SNX18: variants seen among roughly 807,000 people sequenced by gnomAD.
SNX18 encodes the protein sorting nexin-18.
In SNX18, 35 loss-of-function variants were observed where a neutral mutation model predicts 48.7. The observed-to-expected ratio is 0.72, with a 90% CI of 0.55 to 0.95. The LOEUF (loss-of-function observed/expected upper bound fraction) is 0.95. Among genes scored for constraint, SNX18 ranks in the 40% least tolerant of loss-of-function variants. The pLI, the probability that SNX18 is intolerant of heterozygous loss-of-function variation, is 0.00. For synonymous variants in SNX18, 492 were observed against 384.7 expected, an observed-to-expected ratio of 1.28 and a Z score of -3.26; for missense variants, 824 against 871.0, an observed-to-expected ratio of 0.95 and a Z score of 0.68.
chr5:54,573,435 C>G, the SNX18 span, among the ~76,000 whole-genome samples: 3 of 152,190 alleles, frequency 2.0e-5, no homozygotes, highest in Non-Finnish European at 4.4e-5. Flanking sequence ...TCTGGAGTAG[C>G]TGGGATTACA....
the SNX18 span, among the ~76,000 whole-genome samples, chr5:54,574,530 T>G: frequency 6.6e-6 from 1 of 152,148 alleles, no homozygotes; most frequent in Non-Finnish European, 1.5e-5. Context: ...TGGAGGGGGA[T>G]TCTATGCCCA....
At chr5:54,553,071 G>C in the SNX18 span, among the ~76,000 whole-genome samples, 40 of 142,886 alleles carry the variant, frequency 2.8e-4, no homozygotes, top group Non-Finnish European at 4.6e-4. Flanking sequence ...GGTGGGAGGG[G>C]ATGGGGGTGC....
the SNX18 span, among the ~76,000 whole-genome samples, chr5:54,620,311 C>A: frequency 6.6e-6 from 1 of 152,008 alleles, no homozygotes; most frequent in African/African-American, 2.4e-5. Context: ...GGGAAGGAAG[C>A]AGCTACCAGA....
chr5:54,636,811 T>C, the SNX18 span, among the ~76,000 whole-genome samples: 2 of 152,224 alleles, frequency 1.3e-5, no homozygotes, highest in African/African-American at 2.4e-5. Flanking sequence ...ACTCACTTAC[T>C]CCTCACAGTG....
At chr5:54,549,263 T>C (rs564406508), downstream of SNX18, among the ~76,000 whole-genome samples, 1 of 152,266 alleles carries the variant, frequency 6.6e-6, no homozygotes, top group African/African-American at 2.4e-5. Flanking sequence ...AGAGCTGCAG[T>C]ATTTAAATAA....
chr5:54,615,458 G>A, the SNX18 span, among the ~76,000 whole-genome samples: 1 of 152,180 alleles, frequency 6.6e-6, no homozygotes, highest in South Asian at 2.1e-4. Flanking sequence ...CATCTCCTCT[G>A]TAAGGATGTT....
the SNX18 span, among the ~76,000 whole-genome samples, chr5:54,600,519 A>G: frequency 6.6e-6 from 1 of 152,372 alleles, no homozygotes; most frequent in African/African-American, 2.4e-5. Flanking sequence ...TTACAAAGAT[A>G]CATGCACACA....
At chr5:54,555,242 A>G in the SNX18 span, among the ~76,000 whole-genome samples, 4 of 152,198 alleles carry the variant, frequency 2.6e-5, no homozygotes, top group South Asian at 4.1e-4. Context: ...TACCCGGGGT[A>G]CCCGATGCTT....
chr5:54,533,239 T>C (rs1762284004), intron 1 of SNX18, among the ~76,000 whole-genome samples: 1 of 152,238 alleles, frequency 6.6e-6, no homozygotes, highest in South Asian at 2.1e-4. Context: ...CTTTGAATTT[T>C]GATAGTTATT....
In SNX18 at chr5:54,546,173, T is replaced by C. The variant is rs1376419841; in HGVS notation, c.*2741T>C. 6.6e-6 allele frequency: 1 copy of C among 152,246 alleles called. No homozygotes were observed. Among genetic ancestry groups the C allele is most frequent in the Non-Finnish European group, 1.5e-5 (1 of 68,050 alleles). 9.4% of individuals were successfully genotyped at this position (152,246 alleles called of 1,614,324 possible). A position where few individuals can be genotyped will look rare whatever the true frequency, so the allele number is the denominator to read the frequency against. On this transcript the variant is annotated 3_prime_UTR_variant, in exon 2 of 2. Coordinates refer to ENST00000381410, the MANE Select transcript of SNX18 (RefSeq NM_001102575.2). ...TTCCCAGGCTTCACTGATACAGTTG[T>C]TTTGCATTTATTCACAATAATACAG...
At chr5:54,559,728 C>A in the SNX18 span, among the ~76,000 whole-genome samples, 1 of 152,052 alleles carries the variant, frequency 6.6e-6, no homozygotes, top group African/African-American at 2.4e-5. Context: ...TCTAATTAAA[C>A]TAAAGAGCTT....
chr5:54,564,982 T>C, the SNX18 span, among the ~76,000 whole-genome samples: 4 of 152,256 alleles, frequency 2.6e-5, no homozygotes, highest in Non-Finnish European at 5.9e-5. Context: ...AGGCTGCTCA[T>C]GTCCCTTGGC....
chr5:54,533,046 G>A (rs904061408), intron 1 of SNX18, among the ~76,000 whole-genome samples: 6 of 152,116 alleles, frequency 3.9e-5, no homozygotes, highest in Admixed American at 1.3e-4. Context: ...ATATTTTCAG[G>A]ATGAAATCAA....
the SNX18 span, among the ~76,000 whole-genome samples, chr5:54,561,751 A>G: frequency 6.6e-6 from 1 of 152,204 alleles, no homozygotes; most frequent in Non-Finnish European, 1.5e-5. Flanking sequence ...ACAACAGACT[A>G]ACAGTGATGT....
the SNX18 span, among the ~76,000 whole-genome samples, chr5:54,572,775 T>TATATATATATATATATATATATATATA: frequency 6.9e-4 from 6 of 8,700 alleles, no homozygotes; most frequent in Non-Finnish European, 1.2e-3. Context: ...TATATATATA[T>TATATATATATATATATATATATATATA]TTTTTTTTTT....
chr5:54,521,475 G>T (rs1469383505), intron 1 of SNX18, among the ~76,000 whole-genome samples: 1 of 152,156 alleles, frequency 6.6e-6, no homozygotes, highest in Non-Finnish European at 1.5e-5. Flanking sequence ...GAGGCAGGAG[G>T]ATTGCCTTAA....
At chr5:54,597,571 T>C in the SNX18 span, among the ~76,000 whole-genome samples, 1 of 152,064 alleles carries the variant, frequency 6.6e-6, no homozygotes. Context: ...AAATTAGAAC[T>C]CAAAAGTAAG....
At chr5:54,602,071 G>A in the SNX18 span, among the ~76,000 whole-genome samples, 2 of 152,094 alleles carry the variant, frequency 1.3e-5, no homozygotes, top group Admixed American at 1.3e-4. Flanking sequence ...GACAGTACTC[G>A]CTAAGTAAGC....
At chr5:54,553,115 G>T in the SNX18 span, among the ~76,000 whole-genome samples, 1 of 152,152 alleles carries the variant, frequency 6.6e-6, no homozygotes, top group Admixed American at 6.5e-5. Flanking sequence ...CCAGAGGTGA[G>T]TGGGGAAGGT....
Sources: gnomAD v4.1 joint callset for allele counts (sites outside exome capture counted in the v4.1 genomes callset) on GRCh38, gnomAD v4.1.1 for gene constraint, MANE v1.5 for transcripts, NCBI Gene and HGNC (gene_info 2026-07-23, HGNC 2026-07-21) for gene names.